SPECC1: variants seen among roughly 807,000 people sequenced by gnomAD.
The protein encoded by SPECC1 is sperm antigen with calponin homology and coiled-coil domains 1.
SPECC1 carries 62 observed loss-of-function variants against 104.1 expected under a neutral mutation model. The ratio of observed to expected loss-of-function variants is 0.60; its 90% CI spans 0.49 to 0.74. SPECC1 has a LOEUF of 0.74. SPECC1 is among the 30% of genes least tolerant of loss of function. The probability of loss-of-function intolerance (pLI) is 0.00; values close to 1 mark genes in which losing one functional copy is unlikely to be tolerated. For missense variants in SPECC1, 1,306 were observed against 1,310.5 expected (o/e 1.00, Z 0.05); for synonymous variants, 513 against 501.6 (o/e 1.02, Z -0.30).
intron 3 of SPECC1, among the ~76,000 whole-genome samples, chr17:20,165,311 G>C (rs987408210): frequency 2.6e-5 from 4 of 152,150 alleles, no homozygotes; most frequent in Admixed American, 1.3e-4. Context: ...TGCAGTGTTT[G>C]GTTTTCTGTT....
intron 3 of SPECC1, among the ~76,000 whole-genome samples, chr17:20,150,819 A>T (rs2031938712): frequency 6.6e-6 from 1 of 152,152 alleles, no homozygotes; most frequent in Non-Finnish European, 1.5e-5. Flanking sequence ...ATAGAAAAAA[A>T]GTCTTTCCTA....
intron 3 of SPECC1, among the ~76,000 whole-genome samples, chr17:20,188,567 G>A (rs535734164): frequency 4.6e-4 from 70 of 152,210 alleles, no homozygotes; most frequent in African/African-American, 1.3e-3. Flanking sequence ...GTGAGCCACC[G>A]TGCCCGGCTT....
chr17:20,045,942 T>C (rs2045522950), intron 1 of SPECC1, among the ~76,000 whole-genome samples: 1 of 152,076 alleles, frequency 6.6e-6, no homozygotes, highest in Admixed American at 6.5e-5. Context: ...TCCCCCTCTG[T>C]TAATTGGAAG....
rs759554059 is a variant in SPECC1, at chr17:20,204,864, A to T, written c.815A>T (p.Asp272Val). The T allele has an allele frequency of 5.0e-6, 8 of 1,613,942 alleles. No homozygotes were observed. The highest frequency in any genetic ancestry group is 1.6e-4 in the Middle Eastern group (1 of 6,084). ...GAAGGGGCAGCAAGTCACACTGGCG[A>T]CAGCAGCTGCCCAACATCCATAACT... ...NSEGAASHTG[D>V]SSCPTSITQE... Residue 272 changes from aspartate to valine, a missense_variant, in exon 4 of 15, where the codon GAC becomes GTC. Transcript: ENST00000395527.
intron 13 of SPECC1, among the ~76,000 whole-genome samples, chr17:20,304,003 A>G (rs1301793852): frequency 2.0e-5 from 3 of 150,368 alleles, no homozygotes; most frequent in Non-Finnish European, 4.4e-5. Context: ...CAGGTGCCAT[A>G]GCTCACACCT....
chr17:20,260,304 A>G lies in SPECC1; in HGVS notation c.2940+10A>G, dbSNP rs776053576. Reference sequence around the variant, plus strand: ...GACACAAGGTTATGCGGTAAGGGACAACATCAGCCAACTTCCAGCTGCCCC... The same window carrying G: ...GACACAAGGTTATGCGGTAAGGGACGACATCAGCCAACTTCCAGCTGCCCC... On this transcript the variant is annotated intron_variant, in intron 12 of 14. Transcript: ENST00000395527. The G allele has an allele frequency of 6.2e-7, 1 of 1,611,430 alleles. No individual in the cohort carries two copies. The highest frequency in any genetic ancestry group is 2.2e-5 in the East Asian group (1 of 44,800).
intron 4 of SPECC1, among the ~76,000 whole-genome samples, chr17:20,215,627 T>C (rs1222106335): frequency 6.6e-6 from 1 of 152,258 alleles, no homozygotes; most frequent in African/African-American, 2.4e-5. Context: ...AAATGATTTC[T>C]CATAGCCAGG....
chr17:20,309,815 C>CT (rs763244105), intron 14 of SPECC1, among the ~76,000 whole-genome samples: 1,129 of 103,324 alleles, frequency 0.011, 8 homozygotes, highest in Admixed American at 0.013. Context: ...TTCTCCTTTT[C>CT]TTTTTTTTTT....
chr17:20,106,307 A>G (rs1282126119), intron 2 of SPECC1, among the ~76,000 whole-genome samples: 1 of 152,184 alleles, frequency 6.6e-6, no homozygotes, highest in Non-Finnish European at 1.5e-5. Flanking sequence ...TTTAATATTA[A>G]ACATGTATTA....
chr17:20,271,492 T>C (rs1017295033), intron 12 of SPECC1, among the ~76,000 whole-genome samples: 1 of 152,194 alleles, frequency 6.6e-6, no homozygotes, highest in Non-Finnish European at 1.5e-5. Context: ...ACCTGTTACT[T>C]GCCTTACACT....
intron 4 of SPECC1, among the ~76,000 whole-genome samples, chr17:20,219,098 C>T (rs1353075011): frequency 6.6e-6 from 1 of 152,146 alleles, no homozygotes; most frequent in Non-Finnish European, 1.5e-5. Flanking sequence ...GTAAATAGTG[C>T]TGCAATAAAC....
intron 4 of SPECC1, among the ~76,000 whole-genome samples, chr17:20,210,493 C>A (rs1439852786): frequency 6.6e-6 from 1 of 152,214 alleles, no homozygotes; most frequent in Non-Finnish European, 1.5e-5. Context: ...ACATCTGGGT[C>A]CTATGGGGAG....
At chr17:20,184,048 G>T (rs2035091663) in intron 3 of SPECC1, among the ~76,000 whole-genome samples, 1 of 151,662 alleles carries the variant, frequency 6.6e-6, no homozygotes. Flanking sequence ...AGGTGTGGTG[G>T]CACGTGCCTA....
At position 20,318,756 on chromosome 17, in the gene SPECC1, G is replaced by A. The variant is rs1241933923; in HGVS notation, c.*4691G>A. 2 of 218,566 alleles carry A rather than the reference G, an allele frequency of 9.2e-6. No homozygotes were observed. The highest frequency in any genetic ancestry group is 1.9e-4 in the South Asian group (1 of 5,402). 13.5% of individuals were successfully genotyped at this position (218,566 alleles called of 1,614,324 possible). A position where few individuals can be genotyped will look rare whatever the true frequency, so the allele number is the denominator to read the frequency against. The stretch of plus-strand genomic sequence containing the variant: ...AATATCTACAGTTGCCTCAATTCAC[G>A]GGGCATTTCACTCCTCTGATCCAGG... On this transcript the variant is annotated 3_prime_UTR_variant, in exon 15 of 15. Transcript: ENST00000395527.
intron 3 of SPECC1, among the ~76,000 whole-genome samples, chr17:20,154,638 T>G (rs2032299212): frequency 6.6e-6 from 1 of 152,114 alleles, no homozygotes; most frequent in Admixed American, 6.5e-5. Flanking sequence ...CACTGGAGCG[T>G]TGCAAGTGGG....
chr17:20,257,213 A>G (rs1047456045), intron 10 of SPECC1, among the ~76,000 whole-genome samples: 2 of 152,216 alleles, frequency 1.3e-5, no homozygotes, highest in Non-Finnish European at 2.9e-5. Flanking sequence ...TGATGACATC[A>G]TCTTGAAATT....
chr17:20,044,392 G>A (rs1433290779), intron 1 of SPECC1, among the ~76,000 whole-genome samples: 1 of 152,154 alleles, frequency 6.6e-6, no homozygotes, highest in Admixed American at 6.5e-5. Flanking sequence ...GAATGGTACT[G>A]GTTTTCAGCC....
In SPECC1 at chr17:20,314,045, T is replaced by C. The variant is rs563265457; in HGVS notation, c.3187T>C (p.Tyr1063His). The C allele has an allele frequency of 2.9e-5, 47 of 1,614,116 alleles. No homozygotes were observed. The South Asian group carries it at 4.8e-4, about 17-fold the overall frequency. Residue 1063 changes from tyrosine to histidine, a missense_variant, in exon 15 of 15, where the codon TAC becomes CAC. Physicochemically the swap from Tyr to His is moderately conservative, Grantham distance 83. Transcript: ENST00000395527. ...QSVMQYVAQI[Y>H]KYFET ...TGTGATGCAGTACGTGGCCCAAATC[T>C]ACAAGTACTTTGAGACGTAACCCTG...
chr17:20,142,031 T>C (rs1231110643), intron 3 of SPECC1, among the ~76,000 whole-genome samples: 1 of 152,218 alleles, frequency 6.6e-6, no homozygotes, highest in Non-Finnish European at 1.5e-5. Context: ...TAGTGTCATG[T>C]ACAAATATTG....
Sources: gnomAD v4.1 joint callset for allele counts (sites outside exome capture counted in the v4.1 genomes callset) on GRCh38, gnomAD v4.1.1 for gene constraint, MANE v1.5 for transcripts, NCBI Gene and HGNC (gene_info 2026-07-23, HGNC 2026-07-21) for gene names.